The following ANXA8 variants were observed in gnomAD, a reference collection of about 807,000 sequenced individuals.
The protein encoded by ANXA8 is annexin A8, also known as VAC-beta.
Under a neutral mutation model 26.8 loss-of-function variants are expected in ANXA8, and 9 were observed. The observed-to-expected ratio is 0.34, with a 90% CI of 0.20 to 0.59. The LOEUF is 0.59. Ranked by LOEUF, ANXA8 falls within the 20% of genes least tolerant of loss-of-function variation. ANXA8 has a pLI of 0.84. For synonymous variants in ANXA8, 39 were observed against 94.8 expected, an observed-to-expected ratio of 0.41 and a Z score of 3.42; for missense variants, 83 against 238.5, an observed-to-expected ratio of 0.35 and a Z score of 4.29.
chr10:47,980,525 T>A, the ANXA8 span, among the ~76,000 whole-genome samples: 1 of 151,762 alleles, frequency 6.6e-6, no homozygotes, highest in East Asian at 1.9e-4. Flanking sequence ...TTAGCTTGAC[T>A]GAGAAGAAAA....
the ANXA8 span, among the ~76,000 whole-genome samples, chr10:47,744,426 G>GGGGGGAGGGGGGAAGGGGGGGTTGGA: frequency 1.2e-5 from 1 of 82,096 alleles, no homozygotes; most frequent in African/African-American, 4.3e-5. Context: ...GGGGGGTTGG[G>GGGGGGAGGGGGGAAGGGGGGGTTGGA]GGGGAGGGGG....
At chr10:47,968,139 C>T in the ANXA8 span, among the ~76,000 whole-genome samples, 1 of 150,006 alleles carries the variant, frequency 6.7e-6, no homozygotes, top group Non-Finnish European at 1.5e-5. Flanking sequence ...GCAGCTAGGC[C>T]CTGCCACCAC....
chr10:47,673,961 A>G, the ANXA8 span, among the ~76,000 whole-genome samples: 3 of 150,488 alleles, frequency 2.0e-5, no homozygotes. Flanking sequence ...TGGTTTTGGC[A>G]TTTTCTTAGA....
chr10:47,484,710 T>A, upstream of ANXA8: 1 of 712,148 alleles, frequency 1.4e-6, no homozygotes, highest in Non-Finnish European at 2.2e-6. Context: ...GAGGTCTCGT[T>A]TCTTTGGTGG....
At chr10:47,977,833 T>C in the ANXA8 span, among the ~76,000 whole-genome samples, 1 of 151,126 alleles carries the variant, frequency 6.6e-6, no homozygotes, top group Non-Finnish European at 1.5e-5. Context: ...AGCATACCAA[T>C]ATGTATATAA....
chr10:47,907,342 G>A, the ANXA8 span, among the ~76,000 whole-genome samples: 1 of 152,124 alleles, frequency 6.6e-6, no homozygotes, highest in East Asian at 1.9e-4. Flanking sequence ...GGGCGACAGA[G>A]CGAGACTCCG....
At chr10:47,894,702 T>C in the ANXA8 span, among the ~76,000 whole-genome samples, 1 of 150,018 alleles carries the variant, frequency 6.7e-6, no homozygotes, top group African/African-American at 2.5e-5. Flanking sequence ...ACACACATAC[T>C]AACACCCCAT....
chr10:47,976,350 T>G, the ANXA8 span, among the ~76,000 whole-genome samples: 5 of 151,088 alleles, frequency 3.3e-5, no homozygotes, highest in Non-Finnish European at 7.4e-5. Flanking sequence ...AATAGCAAAT[T>G]TTGTGGTGTT....
the ANXA8 span, among the ~76,000 whole-genome samples, chr10:47,671,293 G>T: frequency 6.6e-6 from 1 of 151,658 alleles, no homozygotes; most frequent in South Asian, 2.1e-4. Flanking sequence ...TTGGTGGTGC[G>T]TGCCTGTAGT....
chr10:47,944,706 T>C, the ANXA8 span, among the ~76,000 whole-genome samples: 1 of 150,562 alleles, frequency 6.6e-6, no homozygotes, highest in African/African-American at 2.5e-5. Context: ...AGGATGTGAC[T>C]TTGCTCCTCA....
the ANXA8 span, among the ~76,000 whole-genome samples, chr10:47,513,667 C>T: frequency 0.026 from 3,568 of 139,406 alleles, 448 homozygotes; most frequent in African/African-American, 0.086. Context: ...CAAAATAGCA[C>T]GGTACTGATA....
At chr10:47,645,660 G>A in the ANXA8 span, among the ~76,000 whole-genome samples, 1 of 151,578 alleles carries the variant, frequency 6.6e-6, no homozygotes, top group Non-Finnish European at 1.5e-5. Context: ...GTTTTACTGG[G>A]CTAAGGGTTG....
the ANXA8 span, among the ~76,000 whole-genome samples, chr10:47,695,480 G>T: frequency 6.6e-6 from 1 of 151,814 alleles, no homozygotes; most frequent in African/African-American, 2.4e-5. Context: ...AATGAGTTGG[G>T]CGCTATGAAA....
the ANXA8 span, among the ~76,000 whole-genome samples, chr10:47,772,570 G>A: frequency 2.0e-5 from 3 of 152,050 alleles, no homozygotes; most frequent in South Asian, 2.1e-4. Flanking sequence ...TCAATGCCAC[G>A]GGATTTCAAT....
chr10:47,564,737 G>A, the ANXA8 span: 1 of 698,266 alleles, frequency 1.4e-6, no homozygotes, highest in South Asian at 1.7e-5. Flanking sequence ...GCCCAGCGTG[G>A]GCCTGACCCT....
the ANXA8 span, among the ~76,000 whole-genome samples, chr10:47,971,086 C>T: frequency 6.6e-6 from 1 of 151,328 alleles, no homozygotes; most frequent in Non-Finnish European, 1.5e-5. Context: ...TGCTCGGAGG[C>T]CCTTTGACCT....
chr10:47,980,014 G>A, the ANXA8 span, among the ~76,000 whole-genome samples: 1 of 151,056 alleles, frequency 6.6e-6, no homozygotes, highest in African/African-American at 2.4e-5. Flanking sequence ...ACACATACAT[G>A]TATATTCATC....
At chr10:47,722,410 C>CA in the ANXA8 span, among the ~76,000 whole-genome samples, 2 of 132,814 alleles carry the variant, frequency 1.5e-5, no homozygotes, top group African/African-American at 5.5e-5. Context: ...GTACTGGAAG[C>CA]AAAAAACCCC....
At chr10:47,553,241 A>G in the ANXA8 span, 2 of 152,060 alleles carry the variant, frequency 1.3e-5, no homozygotes, top group South Asian at 4.1e-4. Flanking sequence ...CGTCGCCAGG[A>G]AACGACGTCT....
Sources: gnomAD v4.1 joint callset for allele counts (sites outside exome capture counted in the v4.1 genomes callset) on GRCh38, gnomAD v4.1.1 for gene constraint, MANE v1.5 for transcripts, NCBI Gene and HGNC (gene_info 2026-07-23, HGNC 2026-07-21) for gene names.